ADARB2: variants seen among roughly 807,000 people sequenced by gnomAD.
ADARB2 encodes adenosine deaminase RNA specific B2 (inactive), also known as inactive double-stranded RNA-specific editase B2.
A neutral mutation model predicts 62.2 loss-of-function variants in ADARB2; 25 were observed. The ratio of observed to expected loss-of-function variants is 0.40; its 90% CI spans 0.29 to 0.56. ADARB2 has a LOEUF of 0.56. ADARB2 is among the 20% of genes least tolerant of loss of function. The pLI is 0.43. For missense variants in ADARB2, 1,071 were observed against 1,077.4 expected (o/e 0.99, Z 0.08); for synonymous variants, 572 against 500.8 (o/e 1.14, Z -1.90).
intron 7 of ADARB2, chr10:1,216,745 T>G (rs1004186487): frequency 1.5e-6 from 1 of 680,940 alleles, no homozygotes; most frequent in Non-Finnish European, 2.4e-6. Flanking sequence ...AGGGCCTTGC[T>G]CCCTCAGGGA....
chr10:1,564,713 A>G lies in ADARB2; in HGVS notation c.100+172338T>C, dbSNP rs551359131. 4.9e-3 allele frequency among the ~76,000 whole-genome samples: 744 copies of G among 152,286 alleles called. 3 individuals carry two copies. Among genetic ancestry groups the G allele is most frequent in the Admixed American group, 8.1e-3 (124 of 15,288 alleles). ...ATGCAAATCAAAACCACAGCGAGAT[A>G]CCATCTCACACCAGTTAGAATGGCA... On this transcript the variant is annotated intron_variant, in intron 1 of 9. Coordinates refer to ENST00000381312, the MANE Select transcript of ADARB2 (RefSeq NM_018702.4).
At chr10:1,570,443 G>T (rs1005654477) in intron 1 of ADARB2, among the ~76,000 whole-genome samples, 1 of 76,002 alleles carries the variant, frequency 1.3e-5, no homozygotes, top group African/African-American at 4.6e-5. Context: ...GGGGAAGCAG[G>T]ACGGGCAGGC....
intron 1 of ADARB2, among the ~76,000 whole-genome samples, chr10:1,636,786 ATAT>A (rs1213751704): frequency 1.3e-5 from 2 of 148,638 alleles, no homozygotes; most frequent in African/African-American, 4.9e-5. Flanking sequence ...AAATATATCA[ATAT>A]TATATGACAT....
intron 3 of ADARB2, among the ~76,000 whole-genome samples, chr10:1,357,624 C>T (rs897629291): frequency 5.3e-5 from 8 of 152,156 alleles, no homozygotes; most frequent in South Asian, 2.1e-4. Flanking sequence ...AAATGTCTTC[C>T]CTTAATCTAG....
At chr10:1,592,374 C>T (rs1833269990) in intron 1 of ADARB2, among the ~76,000 whole-genome samples, 2 of 104,416 alleles carry the variant, frequency 1.9e-5, no homozygotes, top group African/African-American at 7.5e-5. Context: ...CCCTCTGTCA[C>T]CCAGCTCCCT....
intron 1 of ADARB2, among the ~76,000 whole-genome samples, chr10:1,486,053 G>A (rs1831539534): frequency 6.6e-6 from 1 of 152,202 alleles, no homozygotes. Context: ...TGGTTGTATT[G>A]AAGGGAGAAG....
intron 1 of ADARB2, among the ~76,000 whole-genome samples, chr10:1,726,682 G>A (rs1835169242): frequency 6.6e-6 from 1 of 152,326 alleles, no homozygotes; most frequent in Admixed American, 6.5e-5. Context: ...CACTTGCCCT[G>A]AGCTGCAAGA....
rs867026535 is a variant in ADARB2 at position 1,676,029 on chromosome 10, G to A, written c.100+61022C>T. On this transcript the variant is annotated intron_variant, in intron 1 of 9. Transcript: ENST00000381312. ...TTGGTAAGAGGCTGTGAGTCAGGGC[G>A]CGTTTCTAACTCTTGACCTGAGCCC... 7 of 985,222 alleles carry A rather than the reference G, an allele frequency of 7.1e-6. No individual in the cohort carries two copies. In the African/African-American group the frequency reaches 8.7e-5, roughly 12 times the overall value. 61.0% of individuals were successfully genotyped at this position (985,222 alleles called of 1,614,324 possible). A position where few individuals can be genotyped will look rare whatever the true frequency, so the allele number is the denominator to read the frequency against.
chr10:1,506,908 G>T (rs957008630), intron 1 of ADARB2, among the ~76,000 whole-genome samples: 1 of 152,218 alleles, frequency 6.6e-6, no homozygotes, highest in Non-Finnish European at 1.5e-5. Context: ...GATCCCTGCC[G>T]TGTGAGGACG....
At chr10:1,641,923 G>A (rs1167955763) in intron 1 of ADARB2, among the ~76,000 whole-genome samples, 3 of 152,138 alleles carry the variant, frequency 2.0e-5, no homozygotes, top group Non-Finnish European at 4.4e-5. Flanking sequence ...TGAGGCAGGA[G>A]AATCACTTGA....
At chr10:1,545,423 G>A (rs1017072906) in intron 1 of ADARB2, among the ~76,000 whole-genome samples, 1 of 152,300 alleles carries the variant, frequency 6.6e-6, no homozygotes, top group East Asian at 1.9e-4. Context: ...TGGGATATAA[G>A]ATAAAGGAAA....
intron 1 of ADARB2, among the ~76,000 whole-genome samples, chr10:1,568,844 A>ATCTG (rs1239773809): frequency 6.6e-6 from 1 of 151,618 alleles, no homozygotes; most frequent in African/African-American, 2.4e-5. Context: ...CTATCTATCT[A>ATCTG]TGAGCTAAAT....
In ADARB2 at chr10:1,632,249, A is replaced by G. The variant is rs539188707; in HGVS notation, c.100+104802T>C. Reference sequence around the variant, plus strand: ...GCAGGCATGTGCACATTACACACACATGCCACATGCATGCATACACTACAC... The same window carrying G: ...GCAGGCATGTGCACATTACACACACGTGCCACATGCATGCATACACTACAC... On this transcript the variant is annotated intron_variant, in intron 1 of 9. Transcript: ENST00000381312. Among the ~76,000 whole-genome samples the G allele has an allele frequency of 6.8e-4, 104 of 152,110 alleles. 2 individuals carry two copies. In the South Asian group the frequency reaches 0.021, roughly 30 times the overall value.
intron 1 of ADARB2, among the ~76,000 whole-genome samples, chr10:1,602,775 C>T (rs903937348): frequency 6.7e-6 from 1 of 148,560 alleles, no homozygotes; most frequent in Non-Finnish European, 1.5e-5. Flanking sequence ...ACACACACAT[C>T]CACATACATC....
At chr10:1,349,852 C>A (rs1389945275) in intron 3 of ADARB2, among the ~76,000 whole-genome samples, 1 of 152,086 alleles carries the variant, frequency 6.6e-6, no homozygotes, top group Admixed American at 6.5e-5. Context: ...CGTGGGGAAG[C>A]CTGCCTTGGT....
chr10:1,362,845 C>T (rs1412134624), intron 3 of ADARB2, among the ~76,000 whole-genome samples, 183 bp downstream of exon 3: 2 of 151,976 alleles, frequency 1.3e-5, no homozygotes, highest in Non-Finnish European at 2.9e-5. Flanking sequence ...CCCTCAAAAC[C>T]GCCGGCAGCA....
intron 1 of ADARB2, among the ~76,000 whole-genome samples, chr10:1,722,663 A>G (rs1264076465): frequency 2.6e-5 from 4 of 152,188 alleles, no homozygotes. Flanking sequence ...TCTCTTGGGA[A>G]ATAGAATGAA....
intron 8 of ADARB2, among the ~76,000 whole-genome samples, chr10:1,198,069 C>T (rs375774389): frequency 1.8e-4 from 28 of 152,304 alleles, no homozygotes; most frequent in Middle Eastern, 3.4e-3. Flanking sequence ...AAGGATTCAG[C>T]GTTTGAGACA....
chr10:1,592,187 A>G (rs80055743), intron 1 of ADARB2, among the ~76,000 whole-genome samples: 4,540 of 152,224 alleles, frequency 0.03, 230 homozygotes, highest in African/African-American at 0.1. Context: ...ATAAGCTCAG[A>G]TGCCCTCGCA....
Sources: allele counts gnomAD v4.1 joint callset (sites outside exome capture counted in the v4.1 genomes callset), GRCh38; gene constraint gnomAD v4.1.1; transcripts MANE v1.5; gene names NCBI Gene and HGNC (gene_info 2026-07-23, HGNC 2026-07-21).